Variants in VCAN observed in about 807,000 individuals in gnomAD.
VCAN encodes the protein versican, also known as versican core protein.
A neutral mutation model predicts 245.5 loss-of-function variants in VCAN; 44 were observed. The observed-to-expected ratio is 0.18, with a 90% confidence interval of 0.14 to 0.23. VCAN has a LOEUF of 0.23. Among genes scored for constraint, VCAN ranks in the 10% least tolerant of loss-of-function variants. The pLI is 1.00. For synonymous variants in VCAN, 1,413 were observed against 1,437.0 expected, an observed-to-expected ratio of 0.98 and a Z score of 0.38; for missense variants, 3,793 against 4,057.9, an observed-to-expected ratio of 0.93 and a Z score of 1.77.
chr5:83,545,328 GA>G (rs1222550520), intron 8 of VCAN, among the ~76,000 whole-genome samples: 1 of 152,096 alleles, frequency 6.6e-6, no homozygotes, highest in African/African-American at 2.4e-5. Context: ...TTGAATCCCA[GA>G]AATGAATAGA....
At chr5:83,504,418 T>C (rs1745423065) in intron 5 of VCAN, among the ~76,000 whole-genome samples, 1 of 151,374 alleles carries the variant, frequency 6.6e-6, no homozygotes, top group South Asian at 2.1e-4. Flanking sequence ...GGAGTCTCTC[T>C]GTTGCCCAGG....
At chr5:83,553,283 T>G (rs1580060909) in intron 10 of VCAN, 81 bp from the exon 11 acceptor site, 114 of 1,563,778 alleles carry the variant, frequency 7.3e-5, no homozygotes, top group East Asian at 4.5e-4. Flanking sequence ...CTGGCTTGGG[T>G]ATCCTACTAA....
At chr5:83,495,942 A>G (rs1273191028) in intron 5 of VCAN, among the ~76,000 whole-genome samples, 1 of 152,208 alleles carries the variant, frequency 6.6e-6, no homozygotes, top group Non-Finnish European at 1.5e-5. Context: ...GTTTACTCTG[A>G]TAGAGCTACT....
At chr5:83,550,751 G>A (rs943188141) in intron 10 of VCAN, among the ~76,000 whole-genome samples, 1 of 151,936 alleles carries the variant, frequency 6.6e-6, no homozygotes, top group Non-Finnish European at 1.5e-5. Context: ...GCCGGGTGTG[G>A]TGGCGGGTGC....
In VCAN at chr5:83,537,066, G is replaced by A. The variant is rs1746741592; in HGVS notation, c.4063G>A (p.Glu1355Lys). ...AATAGATTCAGAATCTAAAGAAGATGAACCTTGTAGTGAAGAAACAGATCC... is the reference window on the plus strand; with the variant it reads ...AATAGATTCAGAATCTAAAGAAGATAAACCTTGTAGTGAAGAAACAGATCC... ...HPIDSESKED[E>K]PCSEETDPVH... Residue 1355 changes from glutamate to lysine, a missense_variant, in exon 8 of 15, where the codon GAA becomes AAA. By Grantham distance (56) the Glu-to-Lys change is moderately conservative. Around this residue, in one of 5 missense-constraint regions of VCAN, gnomAD observed 3,182 missense variants for 3,250.3 expected, o/e 0.98. Transcript: ENST00000265077. 6.2e-7 allele frequency: 1 copy of A among 1,612,846 alleles called. No individual in the cohort carries two copies. The highest frequency in any genetic ancestry group is 1.3e-5 in the African/African-American group (1 of 74,832).
intron 6 of VCAN, 172 bp downstream of exon 6, chr5:83,512,568 T>A: frequency 1.2e-6 from 1 of 849,666 alleles, no homozygotes; most frequent in Non-Finnish European, 1.8e-6. Flanking sequence ...GTGATATGGT[T>A]AAAACCACAG....
At chr5:83,534,441 G>A (rs1394235263) in intron 7 of VCAN, among the ~76,000 whole-genome samples, 1 of 151,930 alleles carries the variant, frequency 6.6e-6, no homozygotes, top group African/African-American at 2.4e-5. Flanking sequence ...TTCTTTATAT[G>A]CTTGACACTG....
chr5:83,564,708 A>T (rs935870657), intron 12 of VCAN, among the ~76,000 whole-genome samples: 3 of 151,576 alleles, frequency 2.0e-5, no homozygotes, highest in Admixed American at 2.0e-4. Context: ...TGTGAACTAA[A>T]TTAGCAATGT....
At chr5:83,542,723 G>A (rs922911438) in intron 8 of VCAN, among the ~76,000 whole-genome samples, 8 of 152,118 alleles carry the variant, frequency 5.3e-5, no homozygotes, top group East Asian at 3.9e-4. Flanking sequence ...GGAGTAGTAC[G>A]TAGCTCTAAT....
intron 11 of VCAN, among the ~76,000 whole-genome samples, chr5:83,553,942 T>G (rs980116866): frequency 1.3e-5 from 2 of 152,260 alleles, no homozygotes; most frequent in Non-Finnish European, 2.9e-5. Context: ...TAATTAAAAT[T>G]GAATTGTTAA....
intron 5 of VCAN, among the ~76,000 whole-genome samples, chr5:83,500,030 G>A (rs1444640178): frequency 3.9e-5 from 6 of 152,140 alleles, no homozygotes; most frequent in Admixed American, 2.6e-4. Flanking sequence ...TGGAGATTGT[G>A]TAATTTCTTT....
intron 12 of VCAN, among the ~76,000 whole-genome samples, chr5:83,558,663 G>A (rs1580066834): frequency 6.6e-6 from 1 of 152,000 alleles, no homozygotes; most frequent in Non-Finnish European, 1.5e-5. Flanking sequence ...TTAATGTTAT[G>A]CTATACAGCT....
chr5:83,579,914 A>AG, intron 13 of VCAN, 66 bp from the exon 14 acceptor site: 1 of 1,540,134 alleles, frequency 6.5e-7, no homozygotes, highest in Non-Finnish European at 9.0e-7. Flanking sequence ...AGAGAGAAAA[A>AG]TAAGAGACTC....
At position 83,537,214 on chromosome 5, in the gene VCAN, C is replaced by T. The variant is rs1369739388; in HGVS notation, c.4211C>T (p.Thr1404Ile). The change falls in exon 8 of 15, where the codon ACC becomes ATC. Residue 1404 changes from threonine to isoleucine, a missense_variant. Physicochemically the swap from Thr to Ile is moderately conservative, Grantham distance 89. This residue lies in a region of VCAN where 3,182 missense variants were observed against 3,250.3 expected (regional missense o/e 0.98). Coordinates refer to ENST00000265077, the MANE Select transcript of VCAN (RefSeq NM_004385.5). ...EECANATDVTTTPSVQYINGK... is the reference protein window; with the variant it reads ...EECANATDVTITPSVQYINGK... ...TGTGCAAATGCTACTGATGTGACAA[C>T]CACCCCATCTGTGCAGTACATAAAT... 6 of 1,613,586 alleles carry T rather than the reference C, an allele frequency of 3.7e-6. No homozygotes were observed. In the African/African-American group the frequency reaches 5.3e-5, roughly 14 times the overall value.
At chr5:83,476,802 G>A (rs1744409497) in intron 1 of VCAN, among the ~76,000 whole-genome samples, 1 of 152,044 alleles carries the variant, frequency 6.6e-6, no homozygotes, top group Non-Finnish European at 1.5e-5. Context: ...TTTGTTTAAT[G>A]TGTCAGTTCT....
chr5:83,561,334 A>G (rs572823595), intron 12 of VCAN, among the ~76,000 whole-genome samples: 101 of 152,210 alleles, frequency 6.6e-4, no homozygotes, highest in Non-Finnish European at 1.1e-3. Flanking sequence ...TCTAGCTCTA[A>G]CCAACTCATC....
chr5:83,558,683 C>G (rs1300242478), intron 12 of VCAN, among the ~76,000 whole-genome samples: 1 of 152,082 alleles, frequency 6.6e-6, no homozygotes, highest in Non-Finnish European at 1.5e-5. Flanking sequence ...TAGACTAATT[C>G]AACTAGTATA....
intron 7 of VCAN, chr5:83,536,262 G>T (rs1746701986): frequency 6.6e-6 from 1 of 152,122 alleles, no homozygotes; most frequent in Middle Eastern, 3.2e-3. Flanking sequence ...AAGGTCTATA[G>T]GTGTGGAAGG....
chr5:83,540,513 A>G lies in VCAN; in HGVS notation c.7510A>G (p.Ser2504Gly), dbSNP rs1746930688. 1 of 1,613,980 alleles carries G rather than the reference A, an allele frequency of 6.2e-7. No homozygotes were observed. Among genetic ancestry groups the G allele is most frequent in the Admixed American group, 1.7e-5 (1 of 59,990 alleles). ...EQNKSSPDPT[S>G]TLSNTVSYER... ...GAACAAAAGCTCCCCTGATCCAACT[A>G]GCACACTGTCAAATACAGTGTCATA... The change falls in exon 8 of 15, where the codon AGC (serine) becomes GGC (glycine). Residue 2504 changes from serine to glycine, a missense_variant. Around this residue, in one of 5 missense-constraint regions of VCAN, gnomAD observed 3,182 missense variants for 3,250.3 expected, o/e 0.98. Coordinates refer to ENST00000265077, the MANE Select transcript of VCAN (RefSeq NM_004385.5).
Sources: gnomAD v4.1 joint callset for allele counts (sites outside exome capture counted in the v4.1 genomes callset) on GRCh38, gnomAD v4.1.1 for gene constraint, gnomAD v4.1.1 regional missense constraint, MANE v1.5 for transcripts, NCBI Gene and HGNC (gene_info 2026-07-23, HGNC 2026-07-21) for gene names.